Variants in SUGCT observed in about 807,000 individuals in gnomAD.
The protein encoded by SUGCT is succinyl-CoA:glutarate CoA-transferase.
SUGCT carries 41 observed loss-of-function variants against 55.0 expected under a neutral mutation model. The observed-to-expected ratio is 0.74, with a 90% CI of 0.58 to 0.97. The LOEUF is 0.97. SUGCT is among the 50% of genes least tolerant of loss of function. The pLI, the probability that SUGCT is intolerant of heterozygous loss-of-function variation, is 0.00. For synonymous variants in SUGCT, 187 were observed against 200.4 expected, an observed-to-expected ratio of 0.93 and a Z score of 0.56; for missense variants, 568 against 547.8, an observed-to-expected ratio of 1.04 and a Z score of -0.37.
At chr7:40,353,183 A>G (rs181372681) in intron 9 of SUGCT, among the ~76,000 whole-genome samples, 5 of 152,324 alleles carry the variant, frequency 3.3e-5, no homozygotes, top group African/African-American at 1.2e-4. Context: ...TGTTTCACCA[A>G]GTTTTCGGGT....
intron 6 of SUGCT, among the ~76,000 whole-genome samples, chr7:40,207,292 G>T (rs1273866608): frequency 1.3e-5 from 2 of 152,104 alleles, no homozygotes; most frequent in Non-Finnish European, 2.9e-5. Context: ...CATACAAATG[G>T]CCAATAAGCA....
At chr7:40,255,263 G>A (rs1790733186) in intron 7 of SUGCT, among the ~76,000 whole-genome samples, 2 of 150,044 alleles carry the variant, frequency 1.3e-5, no homozygotes, top group South Asian at 4.2e-4. Flanking sequence ...GAAAGGATAT[G>A]TCTTCAGTTT....
At chr7:40,948,434 A>C in the SUGCT span, among the ~76,000 whole-genome samples, 1 of 5,666 alleles carries the variant, frequency 1.8e-4, no homozygotes, top group Non-Finnish European at 3.6e-4. Flanking sequence ...CCTGAAAAAC[A>C]TGATGATGAT....
In SUGCT at chr7:40,527,010, A is replaced by C. The variant is rs377511378; in HGVS notation, c.1089+30624A>C. On this transcript the variant is annotated intron_variant, in intron 12 of 13. Coordinates refer to ENST00000335693, the MANE Select transcript of SUGCT (RefSeq NM_001193313.2). ...TACTTTTCTTTCTTACTTTTTTTTC[A>C]GTTCTCATTTAATTAGAGTTACAAA... Among the ~76,000 whole-genome samples, 293 of 152,068 alleles carry C rather than the reference A, an allele frequency of 1.9e-3. 1 individual carries two copies. The highest frequency in any genetic ancestry group is 0.012 in the South Asian group (59 of 4,828).
chr7:40,142,448 A>T (rs1464288478), intron 1 of SUGCT, among the ~76,000 whole-genome samples: 3 of 152,218 alleles, frequency 2.0e-5, no homozygotes, highest in Non-Finnish European at 4.4e-5. Flanking sequence ...GCTTCTTTAC[A>T]TAAGGCAGAG....
At chr7:40,938,520 A>C in the SUGCT span, among the ~76,000 whole-genome samples, 1 of 151,940 alleles carries the variant, frequency 6.6e-6, no homozygotes, top group Non-Finnish European at 1.5e-5. Flanking sequence ...CTATTTCAAT[A>C]GTTTTTGAAG....
the SUGCT span, among the ~76,000 whole-genome samples, chr7:40,993,409 C>T: frequency 1.1e-4 from 16 of 152,290 alleles, no homozygotes; most frequent in Admixed American, 5.9e-4. Flanking sequence ...GAGAGGCTTA[C>T]AAATGGACCT....
At chr7:40,302,609 A>T (rs558444036) in intron 8 of SUGCT, among the ~76,000 whole-genome samples, 12 of 152,262 alleles carry the variant, frequency 7.9e-5, no homozygotes, top group African/African-American at 2.9e-4. Context: ...GGCAGAATAC[A>T]GTTTCTAGAG....
chr7:40,316,719 C>A, intron 8 of SUGCT, 41 bp from the exon 9 acceptor site: 1 of 1,271,524 alleles, frequency 7.9e-7, no homozygotes, highest in Non-Finnish European at 1.1e-6. Context: ...TATAGATAAA[C>A]TAGCTGTTCT....
chr7:40,617,473 A>ATGTGTGTG (rs1437309315), intron 12 of SUGCT, among the ~76,000 whole-genome samples: 98 of 133,474 alleles, frequency 7.3e-4, no homozygotes, highest in African/African-American at 3.0e-3. Flanking sequence ...GGTTAGATTT[A>ATGTGTGTG]TATGTGTGTG....
chr7:40,487,450 A>G (rs1791443064), intron 11 of SUGCT, among the ~76,000 whole-genome samples: 1 of 151,454 alleles, frequency 6.6e-6, no homozygotes, highest in Non-Finnish European at 1.5e-5. Context: ...CTAATATATG[A>G]TCTGTCCTGG....
intron 6 of SUGCT, among the ~76,000 whole-genome samples, 173 bp from the exon 7 acceptor site, chr7:40,237,462 C>T (rs887697768): frequency 2.0e-5 from 3 of 151,844 alleles, no homozygotes; most frequent in Non-Finnish European, 2.9e-5. Flanking sequence ...AATGAGTAGC[C>T]GGGGTCGAGC....
intron 12 of SUGCT, among the ~76,000 whole-genome samples, chr7:40,595,530 G>A (rs1378833490): frequency 6.6e-6 from 1 of 152,068 alleles, no homozygotes; most frequent in African/African-American, 2.4e-5. Context: ...CATTGTTTCT[G>A]GGACAGGGGC....
chr7:40,186,020 A>G (rs1488425661), intron 3 of SUGCT, among the ~76,000 whole-genome samples: 1 of 152,050 alleles, frequency 6.6e-6, no homozygotes, highest in East Asian at 1.9e-4. Context: ...GTTTCATTTT[A>G]TATCCACTTC....
chr7:40,176,943 A>G (rs1056267187), intron 1 of SUGCT, among the ~76,000 whole-genome samples: 1 of 144,052 alleles, frequency 6.9e-6, no homozygotes, highest in Admixed American at 7.1e-5. Flanking sequence ...CCTGGGAGAC[A>G]GAGTGAGACT....
chr7:40,721,127 C>CT (rs1467868303), intron 12 of SUGCT, among the ~76,000 whole-genome samples: 1 of 152,206 alleles, frequency 6.6e-6, no homozygotes, highest in African/African-American at 2.4e-5. Flanking sequence ...GCTCTCTTCA[C>CT]TTTGAGAATG....
At chr7:40,894,660 G>T in the SUGCT span, among the ~76,000 whole-genome samples, 14 of 152,252 alleles carry the variant, frequency 9.2e-5, no homozygotes, top group African/African-American at 3.4e-4. Context: ...GACATGAACA[G>T]ACACTTTTCA....
chr7:40,690,822 C>T (rs117832433), intron 12 of SUGCT, among the ~76,000 whole-genome samples: 1,726 of 152,252 alleles, frequency 0.011, 19 homozygotes, highest in South Asian at 0.026. Context: ...AAGCCATCCA[C>T]ACTCCTCAGC....
At chr7:40,675,061 T>C (rs1036154820) in intron 12 of SUGCT, among the ~76,000 whole-genome samples, 8 of 148,308 alleles carry the variant, frequency 5.4e-5, no homozygotes, top group Non-Finnish European at 1.2e-4. Flanking sequence ...ATTTCTAAAA[T>C]CTTTTTTTTT....
Sources: allele counts gnomAD v4.1 joint callset (sites outside exome capture counted in the v4.1 genomes callset), GRCh38; gene constraint gnomAD v4.1.1; transcripts MANE v1.5; gene names NCBI Gene and HGNC (gene_info 2026-07-23, HGNC 2026-07-21).